TMEM132B: variants seen among roughly 807,000 people sequenced by gnomAD.
The protein encoded by TMEM132B is transmembrane protein 132B.
A neutral mutation model predicts 90.8 loss-of-function variants in TMEM132B; 18 were observed. The ratio of observed to expected loss-of-function variants is 0.20; its 90% CI spans 0.14 to 0.29. The LOEUF is 0.29. Ranked by LOEUF, TMEM132B falls within the 10% of genes least tolerant of loss-of-function variation. The pLI is 1.00. For synonymous variants in TMEM132B, 504 were observed against 523.3 expected (o/e 0.96, Z 0.50); for missense variants, 1,096 against 1,326.8 (o/e 0.83, Z 2.70).
intron 1 of TMEM132B, among the ~76,000 whole-genome samples, chr12:125,242,166 T>C (rs970579692): frequency 1.3e-5 from 2 of 152,142 alleles, no homozygotes; most frequent in African/African-American, 2.4e-5. Flanking sequence ...TTTTAAAAAT[T>C]TTGAGTCAGG....
chr12:125,197,849 T>G (rs1872959702), intron 1 of TMEM132B, among the ~76,000 whole-genome samples: 3 of 152,220 alleles, frequency 2.0e-5, no homozygotes, highest in Admixed American at 2.0e-4. Context: ...AAAAACAGAT[T>G]GATCGAAAGT....
At chr12:125,549,904 T>C (rs1320383697) in intron 4 of TMEM132B, among the ~76,000 whole-genome samples, 1 of 152,214 alleles carries the variant, frequency 6.6e-6, no homozygotes, top group Admixed American at 6.5e-5. Context: ...AACGAGCATG[T>C]GCCAGTTGTC....
At chr12:125,593,391 G>A (rs983847230) in intron 5 of TMEM132B, among the ~76,000 whole-genome samples, 1 of 152,142 alleles carries the variant, frequency 6.6e-6, no homozygotes, top group African/African-American at 2.4e-5. Context: ...CATAATTCAG[G>A]GAAATCTTGG....
rs569702398 is a variant in TMEM132B, at chr12:125,442,531, A to T, written c.1106+26854A>T. On this transcript the variant is annotated intron_variant, in intron 3 of 8. Transcript: ENST00000682704. ...TCATCTGTGACACAAGGAAGAGAAT[A>T]ATACCTCCTTGGAGGTTTGCTATGG... Among the ~76,000 whole-genome samples the T allele has an allele frequency of 5.9e-5, 9 of 152,348 alleles. No homozygotes were observed. The South Asian group carries it at 1.9e-3, about 32-fold the overall frequency.
intron 3 of TMEM132B, among the ~76,000 whole-genome samples, chr12:125,514,941 G>GC (rs549465235): frequency 3.6e-4 from 55 of 152,276 alleles, no homozygotes; most frequent in Non-Finnish European, 7.5e-4. Context: ...ACTAAAAGGT[G>GC]CCTCAGCCCC....
chr12:125,441,427 A>G (rs1389683324), intron 3 of TMEM132B, among the ~76,000 whole-genome samples: 1 of 152,238 alleles, frequency 6.6e-6, no homozygotes, highest in Non-Finnish European at 1.5e-5. Flanking sequence ...TCCGTGATAA[A>G]TACACAGAAA....
In TMEM132B at chr12:125,654,164, G is replaced by T; in HGVS notation, c.2706G>T (p.Leu902Phe). Residue 902 changes from leucine to phenylalanine, a missense_variant, in exon 9 of 9, where the codon TTG becomes TTT. Coordinates refer to ENST00000682704, the MANE Select transcript of TMEM132B (RefSeq NM_001366854.1). This position sits in a 1 kb window ranked among gnomAD's most constrained non-coding sequence, Gnocchi z 5.8. ...LTVTSRGLTD[L>F]EIGMYALLCV... is the part of the protein sequence containing the mutation. Reference sequence around the variant, plus strand: ...TGACCTCAAGGGGGCTAACGGACTTGGAGATTGGCATGTATGCCTTGCTCT... The same window carrying T: ...TGACCTCAAGGGGGCTAACGGACTTTGAGATTGGCATGTATGCCTTGCTCT... 6.2e-7 allele frequency: 1 copy of T among 1,614,238 alleles called. No homozygotes were observed. The highest frequency in any genetic ancestry group is 8.5e-7 in the Non-Finnish European group (1 of 1,180,048).
At chr12:125,570,164 A>G (rs1444615711) in intron 4 of TMEM132B, among the ~76,000 whole-genome samples, 1 of 152,206 alleles carries the variant, frequency 6.6e-6, no homozygotes, top group African/African-American at 2.4e-5. Context: ...GTCCCCAAGA[A>G]GTTTGCAGTC....
rs146790013 is a variant in TMEM132B, at chr12:125,226,696, G to A, written c.67+39830G>A. Among the ~76,000 whole-genome samples, 580 of 152,282 alleles carry A rather than the reference G, an allele frequency of 3.8e-3. 3 individuals carry two copies. The highest frequency in any genetic ancestry group is 6.8e-3 in the Middle Eastern group (2 of 294). On this transcript the variant is annotated intron_variant, in intron 1 of 8. Transcript: ENST00000682704. ...CCCTTGGGAAAGTCCACTCTTCCTA[G>A]GTCCTCAGTTTTCTCATCTGTAAAG...
intron 1 of TMEM132B, among the ~76,000 whole-genome samples, chr12:125,271,907 A>T (rs889428174): frequency 6.6e-6 from 1 of 152,180 alleles, no homozygotes; most frequent in Admixed American, 6.5e-5. Flanking sequence ...TTAAAAGCAG[A>T]CTCTATCACT....
intron 2 of TMEM132B, among the ~76,000 whole-genome samples, chr12:125,414,788 A>G (rs973544231): frequency 1.6e-4 from 25 of 152,194 alleles, no homozygotes; most frequent in Admixed American, 5.9e-4. Flanking sequence ...CTGGGAGAAC[A>G]TGGATGTTGT....
intron 4 of TMEM132B, among the ~76,000 whole-genome samples, chr12:125,570,362 C>T (rs748214807): frequency 6.6e-5 from 10 of 152,144 alleles, no homozygotes; most frequent in Non-Finnish European, 1.0e-4. Context: ...GACCCTCAAT[C>T]GTGTCAGTTA....
At chr12:125,273,176 C>G (rs908444204) in intron 1 of TMEM132B, among the ~76,000 whole-genome samples, 1 of 152,150 alleles carries the variant, frequency 6.6e-6, no homozygotes, top group African/African-American at 2.4e-5. Context: ...ATTTATCTCT[C>G]TCTATATATG....
At chr12:125,257,931 T>C (rs1874476896) in intron 1 of TMEM132B, among the ~76,000 whole-genome samples, 1 of 152,256 alleles carries the variant, frequency 6.6e-6, no homozygotes, top group African/African-American at 2.4e-5. Flanking sequence ...TTGCTGATTT[T>C]GAACTTCTGG....
intron 1 of TMEM132B, among the ~76,000 whole-genome samples, chr12:125,229,175 T>C (rs751072805): frequency 1.3e-5 from 2 of 152,228 alleles, no homozygotes; most frequent in African/African-American, 2.4e-5. Flanking sequence ...CATGTCCTTA[T>C]GGCTTAAGCT....
intron 5 of TMEM132B, among the ~76,000 whole-genome samples, chr12:125,623,611 G>A (rs937206036): frequency 6.6e-6 from 1 of 152,160 alleles, no homozygotes; most frequent in Non-Finnish European, 1.5e-5. Flanking sequence ...GTCCCTTCTT[G>A]TAGTTGGGTT....
chr12:125,374,971 G>A (rs1176497729), intron 2 of TMEM132B, among the ~76,000 whole-genome samples: 1 of 152,096 alleles, frequency 6.6e-6, no homozygotes, highest in Non-Finnish European at 1.5e-5. Flanking sequence ...CCATCACTGA[G>A]CAGCTTAATA....
intron 3 of TMEM132B, among the ~76,000 whole-genome samples, chr12:125,428,570 C>T (rs530320437): frequency 6.6e-6 from 1 of 152,096 alleles, no homozygotes; most frequent in South Asian, 2.1e-4. Flanking sequence ...TTGCCTCTGC[C>T]CCCAACCCTC....
At chr12:125,432,375 ATATATATATATATATATATATATG>A (rs1156642599) in intron 3 of TMEM132B, among the ~76,000 whole-genome samples, 1 of 60,860 alleles carries the variant, frequency 1.6e-5, no homozygotes, top group Non-Finnish European at 2.9e-5. Context: ...GAATATATAT[ATATATATATATATATATATATATG>A]TATGTATGTG....
Sources: gnomAD v4.1 joint callset for allele counts (sites outside exome capture counted in the v4.1 genomes callset) on GRCh38, gnomAD v4.1.1 for gene constraint, Gnocchi (gnomAD v3.1) non-coding constraint, MANE v1.5 for transcripts, NCBI Gene and HGNC (gene_info 2026-07-23, HGNC 2026-07-21) for gene names.